Variants in RABGAP1 observed in about 807,000 individuals in gnomAD.
RABGAP1 encodes the protein rab GTPase-activating protein 1.
RABGAP1 carries 23 observed loss-of-function variants against 137.6 expected under a neutral mutation model. The observed-to-expected ratio is 0.17, with a 90% confidence interval of 0.12 to 0.24. The LOEUF is 0.24. Ranked by LOEUF, RABGAP1 falls within the 10% of genes least tolerant of loss-of-function variation. The pLI, the probability that RABGAP1 is intolerant of heterozygous loss-of-function variation, is 1.00. For missense variants in RABGAP1, 906 were observed against 1,275.8 expected (o/e 0.71, Z 4.42); for synonymous variants, 451 against 450.7 (o/e 1.00, Z -0.01).
Position 123,020,373 on chromosome 9 carries a change from G to A in RABGAP1, c.1708G>A (p.Ala570Thr). The change falls in exon 13 of 26, where the codon GCT (alanine) becomes ACT (threonine). Residue 570 changes from alanine to threonine, a missense_variant. Around this residue, in one of 9 missense-constraint regions of RABGAP1, gnomAD observed 212 missense variants for 289.4 expected, o/e 0.73. Transcript: ENST00000373647. ...SSLVRNGVPE[A>T]LRGEVWQLLA... Reference sequence around the variant, plus strand: ...CTTAGTAAGAAACGGTGTCCCTGAAGCTCTTCGAGGAGAAGTCTGGCAGCT... The same window carrying A: ...CTTAGTAAGAAACGGTGTCCCTGAAACTCTTCGAGGAGAAGTCTGGCAGCT... The A allele has an allele frequency of 6.2e-7, 1 of 1,606,078 alleles. No individual in the cohort carries two copies. Among genetic ancestry groups the A allele is most frequent in the African/African-American group, 1.3e-5 (1 of 74,952 alleles).
rs75462467 is a variant in RABGAP1, at chr9:122,998,913, C to T, written c.1374+147C>T. Reference sequence around the variant, plus strand: ...AAATTATATTTTTCATATTTACCCACCTACTTGTCATTTTTATTGCTCTTC... The same window carrying T: ...AAATTATATTTTTCATATTTACCCATCTACTTGTCATTTTTATTGCTCTTC... On this transcript the variant is annotated intron_variant, in intron 10 of 25. Coordinates refer to ENST00000373647, the MANE Select transcript of RABGAP1 (RefSeq NM_012197.4). 1,347 of 488,340 alleles carry T rather than the reference C, an allele frequency of 2.8e-3. 15 individuals carry two copies. Among genetic ancestry groups the T allele is most frequent in the African/African-American group, 0.025 (1,248 of 50,440 alleles). The allele number at this position is 488,340 out of a possible 1,614,324, so 30.3% of individuals were successfully genotyped here.
At chr9:122,958,677 A>C (rs1196253477) in intron 2 of RABGAP1, among the ~76,000 whole-genome samples, 4 of 152,124 alleles carry the variant, frequency 2.6e-5, no homozygotes, top group African/African-American at 9.7e-5. Context: ...TGTACCCTAG[A>C]ACCTAAAGTA....
At chr9:123,054,442 T>C (rs2033612788) in intron 13 of RABGAP1, among the ~76,000 whole-genome samples, 1 of 152,196 alleles carries the variant, frequency 6.6e-6, no homozygotes, top group Non-Finnish European at 1.5e-5. Context: ...TTAATAAACT[T>C]TATTTTCAAG....
intron 13 of RABGAP1, among the ~76,000 whole-genome samples, chr9:123,056,257 T>C (rs545035047): frequency 2.0e-4 from 31 of 152,366 alleles, no homozygotes; most frequent in African/African-American, 7.2e-4. Flanking sequence ...GCAGTTAGAA[T>C]AGGATGGAGT....
intron 2 of RABGAP1, among the ~76,000 whole-genome samples, chr9:122,984,140 C>G (rs1588212911): frequency 6.6e-6 from 1 of 152,236 alleles, no homozygotes; most frequent in East Asian, 1.9e-4. Flanking sequence ...AGATGTTCTT[C>G]TTAAAAGCGT....
At chr9:123,096,500 G>A (rs79683008) in intron 21 of RABGAP1, among the ~76,000 whole-genome samples, 7 of 152,332 alleles carry the variant, frequency 4.6e-5, no homozygotes, top group East Asian at 3.9e-4. Flanking sequence ...ATTTAATTGC[G>A]TGCATTTGCA....
chr9:122,974,358 G>A (rs1352695268), intron 2 of RABGAP1, among the ~76,000 whole-genome samples: 1 of 149,932 alleles, frequency 6.7e-6, no homozygotes, highest in Non-Finnish European at 1.5e-5. Flanking sequence ...ACTACTGTAG[G>A]TAGAAGAATT....
At chr9:123,063,712 C>T (rs935406425) in intron 13 of RABGAP1, among the ~76,000 whole-genome samples, 1 of 152,136 alleles carries the variant, frequency 6.6e-6, no homozygotes, top group Non-Finnish European at 1.5e-5. Flanking sequence ...TTACACATTC[C>T]CACTTTAAAA....
intron 19 of RABGAP1, chr9:123,089,483 C>T (rs2034972309): frequency 6.2e-6 from 2 of 322,888 alleles, no homozygotes; most frequent in Non-Finnish European, 1.1e-5. Flanking sequence ...GGACCCAGAA[C>T]TTGTAGGAGG....
chr9:123,008,621 A>C (rs1035500292), intron 10 of RABGAP1, among the ~76,000 whole-genome samples: 1 of 152,138 alleles, frequency 6.6e-6, no homozygotes, highest in African/African-American at 2.4e-5. Flanking sequence ...TTCAAAGAGC[A>C]ATTTATAACA....
At chr9:123,034,222 C>T in intron 13 of RABGAP1, 1 of 300,148 alleles carries the variant, frequency 3.3e-6, no homozygotes, top group Non-Finnish European at 6.1e-6. Context: ...AATCTTCTTC[C>T]CTTCTCTTCT....
intron 14 of RABGAP1, among the ~76,000 whole-genome samples, chr9:123,068,148 G>A (rs544224827): frequency 1.3e-5 from 2 of 152,116 alleles, no homozygotes; most frequent in East Asian, 1.9e-4. Flanking sequence ...TCAGGAGTTC[G>A]AGACCAGCCT....
intron 10 of RABGAP1, among the ~76,000 whole-genome samples, chr9:123,006,650 C>G (rs1196168425): frequency 6.6e-6 from 1 of 152,114 alleles, no homozygotes; most frequent in African/African-American, 2.4e-5. Flanking sequence ...TCTGTCAACC[C>G]AGGCTAGAGT....
At chr9:123,021,417 G>A (rs963387624) in intron 13 of RABGAP1, among the ~76,000 whole-genome samples, 5 of 145,066 alleles carry the variant, frequency 3.4e-5, no homozygotes, top group African/African-American at 1.1e-4. Context: ...TCTGCCTCCC[G>A]GCTTTAAGCA....
At chr9:123,027,385 A>G (rs1344179144) in intron 13 of RABGAP1, among the ~76,000 whole-genome samples, 2 of 152,200 alleles carry the variant, frequency 1.3e-5, no homozygotes, top group African/African-American at 4.8e-5. Context: ...AAGTGCTGGG[A>G]TTACAGGCGT....
At chr9:123,013,593 A>G (rs1159176268) in intron 11 of RABGAP1, among the ~76,000 whole-genome samples, 1 of 152,134 alleles carries the variant, frequency 6.6e-6, no homozygotes, top group East Asian at 1.9e-4. Context: ...TTGGCCTCCC[A>G]AAGTGCTGGG....
intron 13 of RABGAP1, chr9:123,063,202 C>T (rs143563633): frequency 6.6e-6 from 1 of 152,614 alleles, no homozygotes; most frequent in Non-Finnish European, 1.5e-5. Context: ...ATATTCCTCT[C>T]CATTCTCAAT....
chr9:122,975,476 A>C (rs770237404), intron 2 of RABGAP1, among the ~76,000 whole-genome samples: 1 of 152,256 alleles, frequency 6.6e-6, no homozygotes, highest in Non-Finnish European at 1.5e-5. Context: ...CTACCGTATA[A>C]GATATTGCCC....
At chr9:123,063,403 C>T (rs895560929) in intron 13 of RABGAP1, 6 of 152,702 alleles carry the variant, frequency 3.9e-5, no homozygotes, top group African/African-American at 1.2e-4. Flanking sequence ...TTTATATGTT[C>T]AGTTCTCTTT....
Sources: allele counts gnomAD v4.1 joint callset (sites outside exome capture counted in the v4.1 genomes callset), GRCh38; gene constraint gnomAD v4.1.1; regional missense constraint gnomAD v4.1.1; transcripts MANE v1.5; gene names NCBI Gene and HGNC (gene_info 2026-07-23, HGNC 2026-07-21).